Variants in PCDHGA6 observed in about 807,000 individuals in gnomAD.
The protein encoded by PCDHGA6 is protocadherin gamma-A6.
A neutral mutation model predicts 60.6 loss-of-function variants in PCDHGA6; 41 were observed. The observed-to-expected ratio is 0.68, with a 90% CI of 0.53 to 0.88. The LOEUF (loss-of-function observed/expected upper bound fraction) is 0.88, where lower values mean the gene tolerates loss of function less well. PCDHGA6 is among the 40% of genes least tolerant of loss of function. The probability of loss-of-function intolerance (pLI) is 0.00; values close to 1 mark genes in which losing one functional copy is unlikely to be tolerated. For synonymous variants in PCDHGA6, 594 were observed against 524.4 expected (o/e 1.13, Z -1.81); for missense variants, 1,312 against 1,203.0 (o/e 1.09, Z -1.34).
intron 1 of PCDHGA6, chr5:141,398,997 G>A: frequency 6.2e-7 from 1 of 1,613,934 alleles, no homozygotes; most frequent in Non-Finnish European, 8.5e-7. Flanking sequence ...TCTTTAGTCT[G>A]AATTCAAAGA....
intron 1 of PCDHGA6, chr5:141,404,222 G>A (rs1407928050): frequency 6.2e-7 from 1 of 1,613,616 alleles, no homozygotes; most frequent in Admixed American, 1.7e-5. Context: ...CACGGTGACT[G>A]CAACAGACAG....
intron 3 of PCDHGA6, among the ~76,000 whole-genome samples, chr5:141,505,973 G>A (rs1207489923): frequency 6.6e-6 from 1 of 152,166 alleles, no homozygotes; most frequent in Non-Finnish European, 1.5e-5. Context: ...ATCCCCAGCC[G>A]AGAGAACACC....
intron 1 of PCDHGA6, chr5:141,393,555 C>T (rs1561643318): frequency 1.2e-6 from 2 of 1,613,808 alleles, no homozygotes; most frequent in Admixed American, 3.3e-5. Context: ...CCCGATTTAC[C>T]GAGTGAAAGT....
intron 1 of PCDHGA6, chr5:141,393,317 G>C (rs927337267): frequency 6.2e-7 from 1 of 1,612,904 alleles, no homozygotes; most frequent in South Asian, 1.1e-5. Flanking sequence ...ACTCCCTCCA[G>C]AGCTACCAGC....
intron 1 of PCDHGA6, among the ~76,000 whole-genome samples, chr5:141,382,409 G>A (rs1360537214): frequency 6.6e-6 from 1 of 152,188 alleles, no homozygotes; most frequent in Non-Finnish European, 1.5e-5. Context: ...GCAATAACGT[G>A]TGAGTCAGTG....
intron 1 of PCDHGA6, among the ~76,000 whole-genome samples, chr5:141,454,343 A>G (rs1161350416): frequency 2.6e-5 from 4 of 152,248 alleles, no homozygotes; most frequent in African/African-American, 7.2e-5. Flanking sequence ...AAATGTTGGA[A>G]GTTGATCCAA....
chr5:141,384,089 C>T, intron 1 of PCDHGA6: 1 of 1,596,318 alleles, frequency 6.3e-7, no homozygotes, highest in South Asian at 1.1e-5. Context: ...TTAGAAAAAT[C>T]AATAGATAAT....
In PCDHGA6 at chr5:141,477,844, G is replaced by A. The variant is rs748180474; in HGVS notation, c.2425-16963G>A. On this transcript the variant is annotated intron_variant, in intron 1 of 3. Coordinates refer to ENST00000517434, the MANE Select transcript of PCDHGA6 (RefSeq NM_018919.3). This position sits in a 1 kb window ranked among gnomAD's most constrained non-coding sequence, Gnocchi z 4.9. ...TATATCCTCGGCCAGGTGGGAGCTC[G>A]GTGGAGATGCTGCCTCGAGGTACCT... The A allele has an allele frequency of 6.2e-7, 1 of 1,613,394 alleles. No individual in the cohort carries two copies.
At position 141,477,418 on chromosome 5, in the gene PCDHGA6, C is replaced by G. The variant is rs759728291; in HGVS notation, c.2425-17389C>G. ...GCATCACCGCCCGAGACGCCGGAAC[C>G]CCTTCCCTCTCAGCCCTTACAATAG... On this transcript the variant is annotated intron_variant, in intron 1 of 3. Transcript: ENST00000517434. This position sits in a 1 kb window ranked among gnomAD's most constrained non-coding sequence, Gnocchi z 4.9. 2 of 1,614,166 alleles carry G rather than the reference C, an allele frequency of 1.2e-6. No homozygotes were observed. Among genetic ancestry groups the G allele is most frequent in the Non-Finnish European group, 1.7e-6 (2 of 1,180,030 alleles).
chr5:141,408,661 G>A (rs1462103250), intron 1 of PCDHGA6: 1 of 1,613,770 alleles, frequency 6.2e-7, no homozygotes, highest in Non-Finnish European at 8.5e-7. Context: ...CACGACTATC[G>A]CTTGACCCTG....
At chr5:141,415,352 C>T in intron 1 of PCDHGA6, 1 of 1,614,228 alleles carries the variant, frequency 6.2e-7, no homozygotes, top group Non-Finnish European at 8.5e-7. Context: ...TGGCACAAGT[C>T]ACGCCTGCTG....
At position 141,374,840 on chromosome 5, in the gene PCDHGA6, G is replaced by A. The variant is rs766575793; in HGVS notation, c.757G>A (p.Glu253Lys). The A allele has an allele frequency of 2.5e-6, 4 of 1,613,792 alleles. No homozygotes were observed. Among genetic ancestry groups the A allele is most frequent in the Non-Finnish European group, 3.4e-6 (4 of 1,179,882 alleles). The change falls in exon 1 of 4, where the codon GAA becomes AAA. Residue 253 changes from glutamate (E) to lysine (K), a missense_variant. Physicochemically the swap from Glu to Lys is moderately conservative, Grantham distance 56. Transcript: ENST00000517434. ...GCCTGTCTACCGTGTAAGTGTTCCT[G>A]AAAACCTGCCAGTAGGCACACCAGT... The part of the protein sequence containing the change: ...TQPVYRVSVP[E>K]NLPVGTPVLA...
At chr5:141,412,890 T>G (rs2095584785) in intron 1 of PCDHGA6, 1 of 330,212 alleles carries the variant, frequency 3.0e-6, no homozygotes, top group Non-Finnish European at 5.4e-6. Context: ...AACAGAATAG[T>G]TTACTTTCCA....
At chr5:141,410,903 G>C (rs191165984) in intron 1 of PCDHGA6, 2 of 276,978 alleles carry the variant, frequency 7.2e-6, no homozygotes, top group South Asian at 4.9e-5. Context: ...GCCTAGGCTG[G>C]AGTGCAGTGG....
In PCDHGA6 at chr5:141,485,979, C is replaced by G; in HGVS notation, c.2425-8828C>G. 1 of 1,614,182 alleles carries G rather than the reference C, an allele frequency of 6.2e-7. No individual in the cohort carries two copies. Among genetic ancestry groups the G allele is most frequent in the Non-Finnish European group, 8.5e-7 (1 of 1,180,022 alleles). On this transcript the variant is annotated intron_variant, in intron 1 of 3. Coordinates refer to ENST00000517434, the MANE Select transcript of PCDHGA6 (RefSeq NM_018919.3). The surrounding 1 kb of genome is among the most constrained non-coding windows in gnomAD (Gnocchi z 5.7). ...CTCATCCAGCTCAATGCCTCAGACC[C>G]GGACCTGGGTCCCAGTGGTAACGTC...
At chr5:141,473,810 G>A (rs549204595) in intron 1 of PCDHGA6, among the ~76,000 whole-genome samples, 1 of 152,334 alleles carries the variant, frequency 6.6e-6, no homozygotes, top group South Asian at 2.1e-4. Flanking sequence ...CTGAGGAGCA[G>A]CTGGACAATT....
chr5:141,476,039 C>T lies in PCDHGA6; in HGVS notation c.2425-18768C>T. The T allele has an allele frequency of 1.3e-6, 2 of 1,484,358 alleles. No homozygotes were observed. The highest frequency in any genetic ancestry group is 1.8e-6 in the Non-Finnish European group (2 of 1,117,328). The allele number at this position is 1,484,358 out of a possible 1,614,324, so 91.9% of individuals were successfully genotyped here. On this transcript the variant is annotated intron_variant, in intron 1 of 3. Coordinates refer to ENST00000517434, the MANE Select transcript of PCDHGA6 (RefSeq NM_018919.3). The surrounding 1 kb of genome is among the most constrained non-coding windows in gnomAD (Gnocchi z 7.6). Reference sequence around the variant, plus strand: ...TCGGACTCGGCGCCCAGCGCCCAAGCGCTAACCCGCTGAAAGTTTCTCAGC... The same window carrying T: ...TCGGACTCGGCGCCCAGCGCCCAAGTGCTAACCCGCTGAAAGTTTCTCAGC...
At chr5:141,387,320 A>C (rs1461293740) in intron 1 of PCDHGA6, among the ~76,000 whole-genome samples, 1 of 152,234 alleles carries the variant, frequency 6.6e-6, no homozygotes, top group East Asian at 1.9e-4. Flanking sequence ...ATGAGTAAGT[A>C]TGGAAAATTA....
intron 1 of PCDHGA6, among the ~76,000 whole-genome samples, chr5:141,444,242 G>A (rs964582042): frequency 7.5e-6 from 1 of 133,896 alleles, no homozygotes; most frequent in Non-Finnish European, 1.5e-5. Flanking sequence ...CATGCTCTCG[G>A]CTCACTGCAA....
Sources: gnomAD v4.1 joint callset for allele counts (sites outside exome capture counted in the v4.1 genomes callset) on GRCh38, gnomAD v4.1.1 for gene constraint, Gnocchi (gnomAD v3.1) non-coding constraint, MANE v1.5 for transcripts, NCBI Gene and HGNC (gene_info 2026-07-23, HGNC 2026-07-21) for gene names.